The following DHX32 variants were observed in gnomAD, a reference collection of about 807,000 sequenced individuals.
DHX32 encodes DEAH-box helicase 32 (putative), also known as putative pre-mRNA-splicing factor ATP-dependent RNA helicase DHX32.
In DHX32, 51 loss-of-function variants were observed where a neutral mutation model predicts 70.0. The observed-to-expected ratio is 0.73, with a 90% CI of 0.58 to 0.92. The LOEUF (loss-of-function observed/expected upper bound fraction) is 0.92, where lower values mean the gene tolerates loss of function less well. Ranked by LOEUF, DHX32 falls within the 40% of genes least tolerant of loss-of-function variation. The pLI, the probability that DHX32 is intolerant of heterozygous loss-of-function variation, is 0.00. For synonymous variants in DHX32, 310 were observed against 315.3 expected (o/e 0.98, Z 0.18); for missense variants, 762 against 891.8 (o/e 0.85, Z 1.85).
At chr10:125,874,522 C>T (rs1349034020) in intron 1 of DHX32, among the ~76,000 whole-genome samples, 1 of 152,134 alleles carries the variant, frequency 6.6e-6, no homozygotes, top group Non-Finnish European at 1.5e-5. Context: ...TTCTAAAACT[C>T]AAGAAGTAGA....
chr10:125,880,995 C>A lies in DHX32; in HGVS notation c.-171G>T. 2 of 748,264 alleles carry A rather than the reference C, an allele frequency of 2.7e-6. No homozygotes were observed. Among genetic ancestry groups the A allele is most frequent in the Non-Finnish European group, 4.2e-6 (2 of 475,116 alleles). 46.4% of individuals were successfully genotyped at this position (748,264 alleles called of 1,614,324 possible). On this transcript the variant is annotated 5_prime_UTR_variant, in exon 1 of 11. Transcript: ENST00000284690. ...TAAATTCCTCAAACCTGCATCTGTT[C>A]TCCGTTGCTGTGTTACCCACTGTGC...
chr10:125,872,926 T>C (rs1009928644), intron 1 of DHX32, among the ~76,000 whole-genome samples: 2 of 152,232 alleles, frequency 1.3e-5, no homozygotes, highest in Non-Finnish European at 2.9e-5. Context: ...CAAGGCTTTA[T>C]CAACCTAAGT....
chr10:125,845,182 C>T (rs1010335086), intron 6 of DHX32, among the ~76,000 whole-genome samples: 8 of 152,172 alleles, frequency 5.3e-5, no homozygotes, highest in Non-Finnish European at 7.3e-5. Flanking sequence ...CGGCATGTTT[C>T]CCATGTTCTT....
chr10:125,848,884 A>G (rs908862457), intron 6 of DHX32, among the ~76,000 whole-genome samples: 1 of 152,198 alleles, frequency 6.6e-6, no homozygotes, highest in Non-Finnish European at 1.5e-5. Context: ...GATTATCCTC[A>G]TATTCAGATA....
At chr10:125,887,543 A>T (rs111624726) in intron 1 of DHX32, among the ~76,000 whole-genome samples, 1 of 152,118 alleles carries the variant, frequency 6.6e-6, no homozygotes, top group Non-Finnish European at 1.5e-5. Flanking sequence ...TCTTGATCCA[A>T]ATTTCATTTT....
At chr10:125,849,853 T>A (rs1216193100) in intron 6 of DHX32, among the ~76,000 whole-genome samples, 1 of 152,236 alleles carries the variant, frequency 6.6e-6, no homozygotes, top group Non-Finnish European at 1.5e-5. Flanking sequence ...TCTAGTATTC[T>A]TACAAACTGG....
intron 6 of DHX32, among the ~76,000 whole-genome samples, chr10:125,844,443 A>G (rs1186660352): frequency 6.6e-6 from 1 of 152,242 alleles, no homozygotes. Context: ...TTGGCCGCAC[A>G]CAGGGTTAGT....
chr10:125,853,975 C>A lies in DHX32; in HGVS notation c.1078G>T (p.Val360Leu). ...ATAATAATTACCTTTCTTCTTTCCA[C>A]ACCCACATCGATAACAAATCTGACT... Reference protein sequence around the residue: ...NSVRFVIDVGVERRKVYNPRI... With the variant: ...NSVRFVIDVGLERRKVYNPRI... The change falls in exon 4 of 11, where the codon GTG becomes TTG. Residue 360 changes from valine to leucine, a missense_variant. Val to Leu is a conservative substitution (Grantham distance 32). Transcript: ENST00000284690. 1 of 1,613,814 alleles carries A rather than the reference C, an allele frequency of 6.2e-7. No individual in the cohort carries two copies. Among genetic ancestry groups the A allele is most frequent in the Non-Finnish European group, 8.5e-7 (1 of 1,179,912 alleles).
chr10:125,861,400 G>A (rs1021767568), intron 2 of DHX32, among the ~76,000 whole-genome samples: 36 of 152,140 alleles, frequency 2.4e-4, no homozygotes, highest in African/African-American at 8.7e-4. Context: ...GGGAGGCTGA[G>A]GCAGGAGAAT....
At chr10:125,857,161 C>G (rs747448288) in intron 3 of DHX32, among the ~76,000 whole-genome samples, 42 of 152,116 alleles carry the variant, frequency 2.8e-4, no homozygotes, top group Admixed American at 2.0e-4. Flanking sequence ...ACACAAATCC[C>G]AATCCATAAG....
At chr10:125,865,400 A>C (rs1944214706) in intron 2 of DHX32, among the ~76,000 whole-genome samples, 1 of 152,240 alleles carries the variant, frequency 6.6e-6, no homozygotes, top group African/African-American at 2.4e-5. Flanking sequence ...TATCTTCAAG[A>C]AGTTCAAGTC....
chr10:125,894,852 C>T (rs1835795497), intron 1 of DHX32, among the ~76,000 whole-genome samples: 2 of 152,310 alleles, frequency 1.3e-5, no homozygotes, highest in Admixed American at 6.5e-5. Context: ...TGTGATTTTG[C>T]TAATGATATG....
chr10:125,847,854 T>G (rs1303408652), intron 6 of DHX32, among the ~76,000 whole-genome samples: 1 of 151,952 alleles, frequency 6.6e-6, no homozygotes, highest in East Asian at 1.9e-4. Context: ...CAGTTCATAA[T>G]AGGGTTCGAG....
chr10:125,861,018 C>T (rs568267162), intron 2 of DHX32, among the ~76,000 whole-genome samples: 2 of 151,858 alleles, frequency 1.3e-5, no homozygotes, highest in Admixed American at 1.3e-4. Flanking sequence ...TCCCAAAGTG[C>T]TGGGATTACA....
intron 1 of DHX32, chr10:125,890,627 T>C (rs1285872443): frequency 6.6e-6 from 1 of 152,312 alleles, no homozygotes; most frequent in Non-Finnish European, 1.5e-5. Context: ...CAATATTATA[T>C]TAATAACAAC....
At chr10:125,868,076 T>A (rs1944234486) in intron 1 of DHX32, among the ~76,000 whole-genome samples, 1 of 152,230 alleles carries the variant, frequency 6.6e-6, no homozygotes. Context: ...TAAACCCATC[T>A]AAATAAACCC....
intron 3 of DHX32, among the ~76,000 whole-genome samples, chr10:125,859,363 G>A (rs897012964): frequency 2.0e-5 from 3 of 152,206 alleles, no homozygotes; most frequent in Admixed American, 2.0e-4. Context: ...GAGCCTGCTG[G>A]AGGGAAGTTG....
chr10:125,864,929 C>CAAAAAAAAAAAAAAAA lies in DHX32; in HGVS notation c.476+2045_476+2060dup, dbSNP rs61570718. On this transcript the variant is annotated intron_variant, in intron 2 of 10. Transcript: ENST00000284690. ...TGGGAGACAGAGTGGGACTCTGTCT[C>CAAAAAAAAAAAAAAAA]AAAAAAAAAAAAAAAAAAAAAAAAA... Among the ~76,000 whole-genome samples, 9 of 54,222 alleles carry CAAAAAAAAAAAAAAAA rather than the reference C, an allele frequency of 1.7e-4. 2 individuals carry two copies. The highest frequency in any genetic ancestry group is 2.5e-4 in the Non-Finnish European group (8 of 32,386). 35.6% of individuals were successfully genotyped at this position (54,222 alleles called of 152,430 possible).
rs1489395758 is a variant in DHX32 at position 125,859,034 on chromosome 10, TTTGTTTGTTTG to T, written c.849+558_849+568del. Among the ~76,000 whole-genome samples, 10 of 138,920 alleles carry T rather than the reference TTTGTTTGTTTG, an allele frequency of 7.2e-5. No homozygotes were observed. In the South Asian group the frequency reaches 1.6e-3, roughly 22 times the overall value. 91.1% of individuals were successfully genotyped at this position (138,920 alleles called of 152,430 possible). A position where few individuals can be genotyped will look rare whatever the true frequency, so the allele number is the denominator to read the frequency against. ...TCTGAGTTAAAGGTTTTTTTTTTTG[TTTGTTTGTTTG>T]TTTTTTTTTTTTTTTTTTAATCTTT... On this transcript the variant is annotated intron_variant, in intron 3 of 10. Transcript: ENST00000284690.
Sources: gnomAD v4.1 joint callset for allele counts (sites outside exome capture counted in the v4.1 genomes callset) on GRCh38, gnomAD v4.1.1 for gene constraint, MANE v1.5 for transcripts, NCBI Gene and HGNC (gene_info 2026-07-23, HGNC 2026-07-21) for gene names.